Variants in PLXNA2 observed in about 807,000 individuals in gnomAD.
PLXNA2 encodes the protein plexin A2, also known as plexin-A2.
Under a neutral mutation model 193.5 loss-of-function variants are expected in PLXNA2, and 91 were observed. That is an observed-to-expected ratio of 0.47 (90% confidence interval 0.40 to 0.56). The LOEUF (loss-of-function observed/expected upper bound fraction) is 0.56, where lower values mean the gene tolerates loss of function less well. Ranked by LOEUF, PLXNA2 falls within the 20% of genes least tolerant of loss-of-function variation. The pLI, the probability that PLXNA2 is intolerant of heterozygous loss-of-function variation, is 0.00. For missense variants in PLXNA2, 1,995 were observed against 2,503.2 expected (o/e 0.80, Z 4.33); for synonymous variants, 997 against 1,027.3 (o/e 0.97, Z 0.56).
chr1:208,027,451 A>T, intron 31 of PLXNA2, 113 bp from the exon 32 acceptor site: 1 of 716,128 alleles, frequency 1.4e-6, no homozygotes, highest in East Asian at 2.7e-5. Context: ...GCCTTCATGC[A>T]CATAACCTTA....
In PLXNA2 at chr1:208,142,335, C is replaced by G. The variant is rs146022512; in HGVS notation, c.1500G>C (p.Glu500Asp). Residue 500 changes from glutamate (E) to aspartate (D), a missense_variant, in exon 4 of 32, where the codon GAG becomes GAC. Glu to Asp is a conservative substitution (Grantham distance 45). Around this residue, in one of 3 missense-constraint regions of PLXNA2, gnomAD observed 702 missense variants for 812.9 expected, o/e 0.86. Transcript: ENST00000367033. Reference protein sequence around the residue: ...IDQRYLYVMSERQVTRVPVES... With the variant: ...IDQRYLYVMSDRQVTRVPVES... ...GATGGATGTTAGCACTTACCTGTCTCTCAGACATGACGTACAGGTAGCGCT... is the reference window on the plus strand; with the variant it reads ...GATGGATGTTAGCACTTACCTGTCTGTCAGACATGACGTACAGGTAGCGCT... 5 of 1,597,180 alleles carry G rather than the reference C, an allele frequency of 3.1e-6. No individual in the cohort carries two copies. In the African/African-American group the frequency reaches 5.4e-5, roughly 17 times the overall value.
At chr1:208,215,449 G>A (rs1302410528) in intron 2 of PLXNA2, among the ~76,000 whole-genome samples, 1 of 152,072 alleles carries the variant, frequency 6.6e-6, no homozygotes, top group African/African-American at 2.4e-5. Context: ...GGAGGGCTAG[G>A]TAGACAAATG....
chr1:208,185,274 G>A (rs1006763493), intron 3 of PLXNA2, among the ~76,000 whole-genome samples: 6 of 152,152 alleles, frequency 3.9e-5, no homozygotes, highest in East Asian at 3.9e-4. Context: ...AGGTACCTTC[G>A]ATGATGTTCT....
At chr1:208,242,168 C>T (rs779599268) in intron 1 of PLXNA2, among the ~76,000 whole-genome samples, 3 of 152,182 alleles carry the variant, frequency 2.0e-5, no homozygotes, top group Non-Finnish European at 4.4e-5. Flanking sequence ...GTTATCTCTT[C>T]CTGGGGCTCT....
intron 4 of PLXNA2, among the ~76,000 whole-genome samples, chr1:208,131,500 C>T (rs1571951265): frequency 6.6e-6 from 1 of 152,136 alleles, no homozygotes; most frequent in African/African-American, 2.4e-5. Flanking sequence ...GGGAGCGCTC[C>T]TGGAAGGAGC....
At chr1:208,131,479 A>AG (rs1185307775) in intron 4 of PLXNA2, among the ~76,000 whole-genome samples, 1 of 152,198 alleles carries the variant, frequency 6.6e-6, no homozygotes, top group African/African-American at 2.4e-5. Context: ...AACTCAACGC[A>AG]GGGAACACAA....
At chr1:208,112,566 C>T (rs1475065166) in intron 4 of PLXNA2, among the ~76,000 whole-genome samples, 3 of 152,204 alleles carry the variant, frequency 2.0e-5, no homozygotes, top group East Asian at 3.8e-4. Flanking sequence ...GCAGACCCCA[C>T]TGAAGGTGGC....
chr1:208,148,004 G>A (rs907891588), intron 3 of PLXNA2, among the ~76,000 whole-genome samples: 28 of 152,278 alleles, frequency 1.8e-4, no homozygotes, highest in Admixed American at 1.5e-3. Context: ...GAGATTTAGC[G>A]TCCAGTCCTC....
At chr1:208,151,073 T>C (rs1017059541) in intron 3 of PLXNA2, among the ~76,000 whole-genome samples, 2 of 152,188 alleles carry the variant, frequency 1.3e-5, no homozygotes, top group Non-Finnish European at 2.9e-5. Flanking sequence ...AAGCATTTGA[T>C]TGTTCTGGGA....
chr1:208,096,035 T>C lies in PLXNA2; in HGVS notation c.1976A>G (p.His659Arg), dbSNP rs755627036. 6.2e-7 allele frequency: 1 copy of C among 1,612,072 alleles called. No individual in the cohort carries two copies. Among genetic ancestry groups the C allele is most frequent in the Non-Finnish European group, 8.5e-7 (1 of 1,178,144 alleles). ...CTTTCTAATAAGCACTTACAGTTGG[T>C]GGGCACTGCAGTTGTAAAACTTGAA... The part of the protein sequence containing the change: ...TEFKFYNCSA[H>R]QLCLSCVNSA... The change falls in exon 8 of 32, where the codon CAC becomes CGC. Residue 659 changes from histidine to arginine, a missense_variant. His to Arg is a conservative substitution (Grantham distance 29). Transcript: ENST00000367033.
chr1:208,210,928 C>T (rs1400166364), intron 2 of PLXNA2, among the ~76,000 whole-genome samples: 1 of 152,180 alleles, frequency 6.6e-6, no homozygotes, highest in African/African-American at 2.4e-5. Flanking sequence ...GCTGTAGGGT[C>T]TCCCTTTGGG....
At chr1:208,090,845 G>A (rs757019633) in intron 9 of PLXNA2, among the ~76,000 whole-genome samples, 1 of 152,206 alleles carries the variant, frequency 6.6e-6, no homozygotes, top group Non-Finnish European at 1.5e-5. Context: ...TCACTGCTCA[G>A]TCTTCACCCC....
At position 208,084,480 on chromosome 1, in the gene PLXNA2, C is replaced by T; in HGVS notation, c.2198G>A (p.Gly733Asp). 1.2e-6 allele frequency: 2 copies of T among 1,614,246 alleles called. No homozygotes were observed. Among genetic ancestry groups the T allele is most frequent in the Non-Finnish European group, 8.5e-7 (1 of 1,180,036 alleles). The change falls in exon 10 of 32, where the codon GGC becomes GAC. Residue 733 changes from glycine to aspartate, a missense_variant. By Grantham distance (94) the Gly-to-Asp change is moderately conservative. This residue lies in a region of PLXNA2 where 1,291 missense variants were observed against 1,673.6 expected (regional missense o/e 0.77). Transcript: ENST00000367033. ...GAGGACACACTCATAGCCTCGCTGGCCGGACTGCGGCTGGGGCAGATTTCG... is the reference window on the plus strand; with the variant it reads ...GAGGACACACTCATAGCCTCGCTGGTCGGACTGCGGCTGGGGCAGATTTCG... Reference protein sequence around the residue: ...KARNLPQPQSGQRGYECVLNI... With the variant: ...KARNLPQPQSDQRGYECVLNI...
At chr1:208,143,395 T>G (rs1004372106) in intron 3 of PLXNA2, among the ~76,000 whole-genome samples, 1 of 152,226 alleles carries the variant, frequency 6.6e-6, no homozygotes, top group Admixed American at 6.5e-5. Context: ...AGAATGTACA[T>G]TTCTAACAAA....
In PLXNA2 at chr1:208,216,631, T is replaced by G. The variant is rs1412567424; in HGVS notation, c.1188+104A>C. ...CCTGAGTCTGAAAACCTCTTTCATT[T>G]CAGGTCCATGGTGGTGTGGGAGCAG... On this transcript the variant is annotated intron_variant, in intron 2 of 31. Transcript: ENST00000367033. The G allele has an allele frequency of 5.1e-6, 7 of 1,359,326 alleles. No homozygotes were observed. In the African/African-American group the frequency reaches 1.0e-4, roughly 20 times the overall value. 84.2% of individuals were successfully genotyped at this position (1,359,326 alleles called of 1,614,324 possible).
intron 1 of PLXNA2, among the ~76,000 whole-genome samples, chr1:208,226,897 A>C (rs1671528838): frequency 6.6e-6 from 1 of 152,182 alleles, no homozygotes; most frequent in African/African-American, 2.4e-5. Context: ...GTCAGAAAGA[A>C]TTTCTCCAAA....
At chr1:208,166,023 C>G (rs1012029718) in intron 3 of PLXNA2, among the ~76,000 whole-genome samples, 2 of 152,302 alleles carry the variant, frequency 1.3e-5, no homozygotes, top group Non-Finnish European at 1.5e-5. Context: ...GGCCTCATCT[C>G]TAATTGTCCA....
At chr1:208,226,383 C>G (rs371437472) in intron 1 of PLXNA2, among the ~76,000 whole-genome samples, 1 of 151,862 alleles carries the variant, frequency 6.6e-6, no homozygotes, top group Non-Finnish European at 1.5e-5. Context: ...AGGCTCTGAT[C>G]GAGCCCTGGA....
chr1:208,063,087 C>T (rs1309989277), intron 12 of PLXNA2, among the ~76,000 whole-genome samples: 4 of 152,210 alleles, frequency 2.6e-5, no homozygotes, highest in South Asian at 2.1e-4. Context: ...GGCATGAACC[C>T]ACCTACCCAA....
Sources: gnomAD v4.1 joint callset for allele counts (sites outside exome capture counted in the v4.1 genomes callset) on GRCh38, gnomAD v4.1.1 for gene constraint, gnomAD v4.1.1 regional missense constraint, MANE v1.5 for transcripts, NCBI Gene and HGNC (gene_info 2026-07-23, HGNC 2026-07-21) for gene names.